Variants in ENOX1 observed in about 807,000 individuals in gnomAD.
The protein encoded by ENOX1 is candidate growth-related and time keeping constitutive hydroquinone (NADH) oxidase.
ENOX1 carries 42 observed loss-of-function variants against 82.5 expected under a neutral mutation model. The observed-to-expected ratio is 0.51, with a 90% CI of 0.40 to 0.66. ENOX1 has a LOEUF of 0.66. Among genes scored for constraint, ENOX1 ranks in the 30% least tolerant of loss-of-function variants. ENOX1 has a pLI of 0.00. For synonymous variants in ENOX1, 271 were observed against 282.2 expected (o/e 0.96, Z 0.40); for missense variants, 608 against 811.6 (o/e 0.75, Z 3.05).
chr13:43,343,590 C>T (rs1324995592), intron 9 of ENOX1, among the ~76,000 whole-genome samples: 1 of 152,122 alleles, frequency 6.6e-6, no homozygotes, highest in East Asian at 1.9e-4. Context: ...TCCATCCTAT[C>T]CTGACAGATA....
intron 3 of ENOX1, among the ~76,000 whole-genome samples, chr13:43,430,981 C>T (rs2055622268): frequency 6.6e-6 from 1 of 151,968 alleles, no homozygotes; most frequent in Admixed American, 6.6e-5. Context: ...AAATGTAGAT[C>T]TTTGGGGAGA....
Position 43,786,319 on chromosome 13 carries a change from G to A in ENOX1, c.-285+333C>T, listed in dbSNP as rs993141639. On this transcript the variant is annotated intron_variant, in intron 1 of 16. Coordinates refer to ENST00000690772, the MANE Select transcript of ENOX1 (RefSeq NM_001347969.2). This position sits in a 1 kb window ranked among gnomAD's most constrained non-coding sequence, Gnocchi z 6.0. ...TGTCCAAGGTGCAGGGGAGGTGACT[G>A]GCGCGCGGCGGGCGCGGAGCCCGGA... Among the ~76,000 whole-genome samples, 2 of 152,156 alleles carry A rather than the reference G, an allele frequency of 1.3e-5. No individual in the cohort carries two copies. Among genetic ancestry groups the A allele is most frequent in the Non-Finnish European group, 2.9e-5 (2 of 68,016 alleles).
At chr13:43,244,856 G>C (rs892395125) in intron 14 of ENOX1, among the ~76,000 whole-genome samples, 1 of 152,142 alleles carries the variant, frequency 6.6e-6, no homozygotes, top group Non-Finnish European at 1.5e-5. Flanking sequence ...TGTTGGCTCA[G>C]TTCTGCTAAT....
Position 43,587,440 on chromosome 13 carries a change from CTACA to C in ENOX1, c.-219+80035_-219+80038del, listed in dbSNP as rs988317956. 9.9e-5 allele frequency among the ~76,000 whole-genome samples: 15 copies of C among 152,254 alleles called. 1 individual carries two copies. In the Middle Eastern group the frequency reaches 0.01, roughly 104 times the overall value. On this transcript the variant is annotated intron_variant, in intron 2 of 16. Coordinates refer to ENST00000690772, the MANE Select transcript of ENOX1 (RefSeq NM_001347969.2). ...GAGTAAATTTCATGGTTCTTGTGTA[CTACA>C]TACATTCTGGTTAATGCAATCCCAG...
chr13:43,248,030 C>T (rs561892141), intron 14 of ENOX1, among the ~76,000 whole-genome samples: 8 of 147,210 alleles, frequency 5.4e-5, no homozygotes, highest in South Asian at 2.2e-4. Flanking sequence ...GGACTACAGG[C>T]GCCCGCCACT....
intron 5 of ENOX1, among the ~76,000 whole-genome samples, chr13:43,376,228 G>T (rs910631849): frequency 1.3e-5 from 2 of 152,286 alleles, no homozygotes; most frequent in South Asian, 4.1e-4. Flanking sequence ...CCTTCTATCA[G>T]AGAGTGATGG....
At chr13:43,515,943 C>T (rs2153679540) in intron 2 of ENOX1, among the ~76,000 whole-genome samples, 1 of 152,226 alleles carries the variant, frequency 6.6e-6, no homozygotes, top group Non-Finnish European at 1.5e-5. Flanking sequence ...CATTTTTGTT[C>T]CCAGGGCCTA....
rs1024081897 is a variant in ENOX1 at position 43,360,029 on chromosome 13, T to G, written c.411A>C (p.Arg137=). The part of the protein sequence containing the change: ...PNLPPPSTRE[R]PPGCKTVFVG... Reference sequence around the variant, plus strand: ...CAAACACGGTCTTACACCCAGGAGGTCGTTCTCTTGTGGAAGGAGGTGGAA... The same window carrying G: ...CAAACACGGTCTTACACCCAGGAGGGCGTTCTCTTGTGGAAGGAGGTGGAA... Residue 137 remains arginine (R), a synonymous_variant, in exon 7 of 17, where the codon CGA becomes CGC. Coordinates refer to ENST00000690772, the MANE Select transcript of ENOX1 (RefSeq NM_001347969.2). The G allele has an allele frequency of 6.2e-7, 1 of 1,614,156 alleles. No individual in the cohort carries two copies. The highest frequency in any genetic ancestry group is 1.3e-5 in the African/African-American group (1 of 75,044).
At chr13:43,330,185 A>C (rs1200277250) in intron 9 of ENOX1, among the ~76,000 whole-genome samples, 1 of 152,234 alleles carries the variant, frequency 6.6e-6, no homozygotes, top group Non-Finnish European at 1.5e-5. Context: ...AGTTACTATC[A>C]GAACAGGCTC....
At chr13:43,441,236 T>A (rs146703814) in intron 3 of ENOX1, among the ~76,000 whole-genome samples, 51 of 152,306 alleles carry the variant, frequency 3.3e-4, no homozygotes, top group African/African-American at 1.1e-3. Flanking sequence ...TGATGCAAAG[T>A]TGTTTGTATA....
intron 5 of ENOX1, among the ~76,000 whole-genome samples, chr13:43,404,138 T>A (rs1485517048): frequency 6.6e-6 from 1 of 152,160 alleles, no homozygotes; most frequent in Admixed American, 6.6e-5. Flanking sequence ...AGTCAGATGC[T>A]TTTTTGTTAG....
At chr13:43,520,933 G>T (rs1033603709) in intron 2 of ENOX1, among the ~76,000 whole-genome samples, 1 of 152,162 alleles carries the variant, frequency 6.6e-6, no homozygotes, top group Admixed American at 6.5e-5. Context: ...AGGGAAGGGA[G>T]TAAGGGAAGC....
intron 2 of ENOX1, among the ~76,000 whole-genome samples, chr13:43,502,736 C>T (rs1010671591): frequency 6.6e-6 from 1 of 151,388 alleles, no homozygotes; most frequent in Non-Finnish European, 1.5e-5. Context: ...ATGAAAAGCC[C>T]ATATGTATCA....
intron 15 of ENOX1, among the ~76,000 whole-genome samples, chr13:43,233,018 A>G (rs950930349): frequency 6.6e-5 from 10 of 152,186 alleles, no homozygotes; most frequent in African/African-American, 2.4e-4. Context: ...TTTGGCCCCA[A>G]ATCAAAAGTA....
intron 12 of ENOX1, among the ~76,000 whole-genome samples, chr13:43,280,257 A>G (rs2153490128): frequency 6.6e-6 from 1 of 152,330 alleles, no homozygotes; most frequent in South Asian, 2.1e-4. Flanking sequence ...AGATTTTATA[A>G]CCTAGTCATG....
intron 7 of ENOX1, among the ~76,000 whole-genome samples, chr13:43,357,803 T>A (rs534429783): frequency 1.7e-3 from 253 of 152,318 alleles, no homozygotes; most frequent in Admixed American, 2.4e-3. Context: ...CAAACGTGAA[T>A]GTGGTCCTAA....
At chr13:43,537,511 C>T (rs978794938) in intron 2 of ENOX1, among the ~76,000 whole-genome samples, 1 of 152,134 alleles carries the variant, frequency 6.6e-6, no homozygotes, top group Non-Finnish European at 1.5e-5. Context: ...GTTTTTATCC[C>T]CAGGATGAAG....
chr13:43,652,413 GATA>G (rs1032720750), intron 2 of ENOX1, among the ~76,000 whole-genome samples: 1 of 152,138 alleles, frequency 6.6e-6, no homozygotes, highest in African/African-American at 2.4e-5. Context: ...AGAAGTTAGT[GATA>G]ATATTTACTG....
At chr13:43,414,819 G>A (rs1209702286) in intron 3 of ENOX1, among the ~76,000 whole-genome samples, 3 of 151,902 alleles carry the variant, frequency 2.0e-5, no homozygotes, top group African/African-American at 4.8e-5. Flanking sequence ...TTTTTTTCTC[G>A]AGTCTGCAGT....
Sources: gnomAD v4.1 joint callset for allele counts (sites outside exome capture counted in the v4.1 genomes callset) on GRCh38, gnomAD v4.1.1 for gene constraint, Gnocchi (gnomAD v3.1) non-coding constraint, MANE v1.5 for transcripts, NCBI Gene and HGNC (gene_info 2026-07-23, HGNC 2026-07-21) for gene names.